The following PTPRF variants were observed in gnomAD, a reference collection of about 807,000 sequenced individuals.
PTPRF encodes the protein receptor-type tyrosine-protein phosphatase F.
Under a neutral mutation model 201.8 loss-of-function variants are expected in PTPRF, and 59 were observed. The observed-to-expected ratio is 0.29, with a 90% CI of 0.24 to 0.36. The LOEUF is 0.36. Among genes scored for constraint, PTPRF ranks in the 10% least tolerant of loss-of-function variants. The pLI, the probability that PTPRF is intolerant of heterozygous loss-of-function variation, is 1.00. For synonymous variants in PTPRF, 1,088 were observed against 1,089.7 expected (o/e 1.00, Z 0.03); for missense variants, 2,132 against 2,690.5 (o/e 0.79, Z 4.59).
chr1:43,616,713 G>A (rs1657943413), intron 23 of PTPRF, among the ~76,000 whole-genome samples: 1 of 152,142 alleles, frequency 6.6e-6, no homozygotes, highest in Admixed American at 6.5e-5. Flanking sequence ...ACTCAGCTTT[G>A]AAAGGACTGC....
intron 11 of PTPRF, among the ~76,000 whole-genome samples, chr1:43,595,455 C>T (rs1157922660): frequency 2.0e-5 from 3 of 152,074 alleles, no homozygotes; most frequent in Non-Finnish European, 4.4e-5. Flanking sequence ...CTCCTGACCT[C>T]GTGATCCGCC....
chr1:43,589,072 G>A, intron 8 of PTPRF, 72 bp downstream of exon 8: 9 of 1,446,020 alleles, frequency 6.2e-6, no homozygotes, highest in Non-Finnish European at 8.2e-6. Flanking sequence ...GCGAATGTGA[G>A]CTGGCTGCCA....
chr1:43,530,959 C>G lies in PTPRF; in HGVS notation c.-257C>G, dbSNP rs1375591772. ...TCGGGCTCGGGCTCCGGCTCCGGCT[C>G]CGGCTCCGGCTCCAGCTCGGGTGGC... On this transcript the variant is annotated 5_prime_UTR_variant, in exon 1 of 34. Transcript: ENST00000359947. This position sits in a 1 kb window ranked among gnomAD's most constrained non-coding sequence, Gnocchi z 4.1. 6.3e-6 allele frequency: 1 copy of G among 157,742 alleles called. No homozygotes were observed. Among genetic ancestry groups the G allele is most frequent in the Non-Finnish European group, 1.4e-5 (1 of 72,314 alleles). The allele number at this position is 157,742 out of a possible 1,614,324, so 9.8% of individuals were successfully genotyped here.
chr1:43,555,008 A>G (rs1645261399), intron 5 of PTPRF, among the ~76,000 whole-genome samples: 1 of 151,864 alleles, frequency 6.6e-6, no homozygotes, highest in South Asian at 2.1e-4. Context: ...ATGCGCCACC[A>G]TGCCTGGCTA....
At chr1:43,602,805 G>A (rs1269865406) in intron 14 of PTPRF, among the ~76,000 whole-genome samples, 2 of 152,216 alleles carry the variant, frequency 1.3e-5, no homozygotes, top group Admixed American at 6.5e-5. Context: ...AGATGTGGAA[G>A]CCAGTTCCCC....
At chr1:43,580,211 T>C (rs551374990) in intron 7 of PTPRF, 3 of 152,260 alleles carry the variant, frequency 2.0e-5, no homozygotes, top group Admixed American at 2.0e-4. Context: ...GTGCACGTGG[T>C]GGGTGATGGC....
At chr1:43,560,249 C>T (rs1410964528) in intron 5 of PTPRF, among the ~76,000 whole-genome samples, 1 of 149,208 alleles carries the variant, frequency 6.7e-6, no homozygotes, top group African/African-American at 2.5e-5. Context: ...GTGCAGCAGG[C>T]AGTGTGTGTG....
At chr1:43,579,133 A>G (rs996949431) in intron 7 of PTPRF, 24 of 704,706 alleles carry the variant, frequency 3.4e-5, no homozygotes, top group Non-Finnish European at 5.0e-5. Flanking sequence ...TTGCAGGCCC[A>G]TGGGGAAGCA....
chr1:43,579,057 T>C (rs1396786333), intron 7 of PTPRF, 137 bp downstream of exon 7: 1 of 828,024 alleles, frequency 1.2e-6, no homozygotes, highest in Non-Finnish European at 2.1e-6. Flanking sequence ...TGCTTCTTTC[T>C]GCAGCAGCAG....
Position 43,538,256 on chromosome 1 carries a change from G to A in PTPRF, c.-67G>A, listed in dbSNP as rs1030025497. The stretch of plus-strand genomic sequence containing the variant: ...TGCTGAGTATCCAGCAAGAGTGACC[G>A]GGGTGAAGAAGCAAAGACTCGGTGA... On this transcript the variant is annotated 5_prime_UTR_variant, in exon 2 of 34. Coordinates refer to ENST00000359947, the MANE Select transcript of PTPRF (RefSeq NM_002840.5). The A allele has an allele frequency of 3.0e-5, 12 of 398,588 alleles. No individual in the cohort carries two copies. The highest frequency in any genetic ancestry group is 1.3e-4 in the Admixed American group (3 of 22,706). 24.7% of individuals were successfully genotyped at this position (398,588 alleles called of 1,614,324 possible). A position where few individuals can be genotyped will look rare whatever the true frequency, so the allele number is the denominator to read the frequency against.
chr1:43,607,047 G>T, intron 21 of PTPRF, 79 bp downstream of exon 21: 1 of 1,554,696 alleles, frequency 6.4e-7, no homozygotes, highest in African/African-American at 1.3e-5. Flanking sequence ...GGTGCCTGTG[G>T]AGAGCGTGCA....
intron 3 of PTPRF, among the ~76,000 whole-genome samples, chr1:43,545,996 A>T (rs1644647610): frequency 6.6e-6 from 1 of 151,952 alleles, no homozygotes; most frequent in Non-Finnish European, 1.5e-5. Flanking sequence ...CTGCAGGCTG[A>T]GGGGGAGGGG....
intron 22 of PTPRF, among the ~76,000 whole-genome samples, chr1:43,612,512 G>A (rs1402752615): frequency 6.6e-6 from 1 of 152,174 alleles, no homozygotes; most frequent in East Asian, 1.9e-4. Flanking sequence ...AGGCTGCCGA[G>A]CCACCAGGGT....
Position 43,598,771 on chromosome 1 carries a change from C to T in PTPRF, c.2171C>T (p.Ala724Val). Residue 724 changes from alanine (A) to valine (V), a missense_variant, in exon 13 of 34, where the codon GCT (alanine) becomes GTT (valine). This residue lies in a region of PTPRF where 125 missense variants were observed against 211.9 expected (regional missense o/e 0.59). Coordinates refer to ENST00000359947, the MANE Select transcript of PTPRF (RefSeq NM_002840.5). ...KVEVEPLNST[A>V]VHVYWKLPVP... ...GAGGTGGAGCCACTGAACTCCACTG[C>T]TGTGCATGTCTACTGGAAGCTGCCT... 6.2e-7 allele frequency: 1 copy of T among 1,614,204 alleles called. No individual in the cohort carries two copies.
intron 5 of PTPRF, among the ~76,000 whole-genome samples, chr1:43,565,710 C>T (rs1011032300): frequency 6.8e-6 from 1 of 147,960 alleles, no homozygotes; most frequent in Non-Finnish European, 1.5e-5. Context: ...GAGGGGAGGG[C>T]CGCGTCGGTG....
intron 11 of PTPRF, among the ~76,000 whole-genome samples, chr1:43,596,899 T>G (rs985483251): frequency 1.3e-5 from 2 of 152,122 alleles, no homozygotes; most frequent in African/African-American, 4.8e-5. Flanking sequence ...TGTGTGAGAG[T>G]GTGTGTCAGA....
intron 10 of PTPRF, 135 bp downstream of exon 10, chr1:43,592,083 A>G (rs965705097): frequency 4.0e-6 from 5 of 1,260,848 alleles, no homozygotes; most frequent in Non-Finnish European, 5.6e-6. Context: ...CTGGAGGCTT[A>G]GTGGTGCATG....
At chr1:43,571,034 T>C (rs1646533382) in intron 6 of PTPRF, among the ~76,000 whole-genome samples, 1 of 152,136 alleles carries the variant, frequency 6.6e-6, no homozygotes, top group Non-Finnish European at 1.5e-5. Context: ...CACATGGACT[T>C]GTCTGGCAGC....
intron 16 of PTPRF, 59 bp downstream of exon 16, chr1:43,604,248 T>C: frequency 1.3e-6 from 2 of 1,550,818 alleles, no homozygotes; most frequent in Non-Finnish European, 1.8e-6. Flanking sequence ...GGGTCTCTGC[T>C]CTCCTTGAGC....
Sources: gnomAD v4.1 joint callset for allele counts (sites outside exome capture counted in the v4.1 genomes callset) on GRCh38, gnomAD v4.1.1 for gene constraint, gnomAD v4.1.1 regional missense constraint, Gnocchi (gnomAD v3.1) non-coding constraint, MANE v1.5 for transcripts, NCBI Gene and HGNC (gene_info 2026-07-23, HGNC 2026-07-21) for gene names.